ESRRG: variants seen among roughly 807,000 people sequenced by gnomAD.
ESRRG encodes the protein estrogen related receptor gamma.
A neutral mutation model predicts 44.0 loss-of-function variants in ESRRG; 13 were observed. The observed-to-expected ratio is 0.30, with a 90% CI of 0.19 to 0.47. The LOEUF is 0.47. ESRRG is among the 20% of genes least tolerant of loss of function. The pLI, the probability that ESRRG is intolerant of heterozygous loss-of-function variation, is 1.00. For synonymous variants in ESRRG, 215 were observed against 214.6 expected (o/e 1.00, Z -0.02); for missense variants, 395 against 580.6 (o/e 0.68, Z 3.29).
chr1:216,740,004 T>G (rs1449064488), intron 2 of ESRRG, among the ~76,000 whole-genome samples: 1 of 152,202 alleles, frequency 6.6e-6, no homozygotes, highest in African/African-American at 2.4e-5. Flanking sequence ...TGAGTCTGAC[T>G]GCTGACCTCG....
chr1:216,682,902 C>G (rs2077280895), intron 1 of ESRRG, among the ~76,000 whole-genome samples: 1 of 152,082 alleles, frequency 6.6e-6, no homozygotes, highest in Non-Finnish European at 1.5e-5. Flanking sequence ...ACTAATTGCA[C>G]TCTCGTAAAG....
At chr1:216,970,067 T>C (rs2071327334) in intron 1 of ESRRG, among the ~76,000 whole-genome samples, 2 of 152,086 alleles carry the variant, frequency 1.3e-5, no homozygotes, top group East Asian at 1.9e-4. Flanking sequence ...CTTCCTCCCA[T>C]CCCAGATTCT....
At chr1:217,078,839 C>G (rs1399331511) in intron 1 of ESRRG, among the ~76,000 whole-genome samples, 1 of 152,130 alleles carries the variant, frequency 6.6e-6, no homozygotes, top group South Asian at 2.1e-4. Flanking sequence ...CTGGTATCAA[C>G]CTCTGCATTC....
chr1:216,847,269 G>C (rs2095766579), intron 2 of ESRRG, among the ~76,000 whole-genome samples: 1 of 152,054 alleles, frequency 6.6e-6, no homozygotes, highest in Non-Finnish European at 1.5e-5. Flanking sequence ...GTAATGTTTA[G>C]TATTTACACT....
rs1158493341 is a variant in ESRRG at position 217,033,493 on chromosome 1, T to C, written c.-106+56014A>G. Among the ~76,000 whole-genome samples the C allele has an allele frequency of 2.0e-5, 3 of 152,226 alleles. No individual in the cohort carries two copies. In the East Asian group the frequency reaches 5.8e-4, roughly 29 times the overall value. Reference sequence around the variant, plus strand: ...ATTTTGTAAATGATTAATGTTTGGATGTCTTTTTTTTAAGACATTAATTTA... The same window carrying C: ...ATTTTGTAAATGATTAATGTTTGGACGTCTTTTTTTTAAGACATTAATTTA... On this transcript the variant is annotated intron_variant, in intron 1 of 7. Transcript: ENST00000359162.
chr1:216,989,744 G>T (rs1195855315), intron 1 of ESRRG, among the ~76,000 whole-genome samples: 1 of 152,058 alleles, frequency 6.6e-6, no homozygotes, highest in Non-Finnish European at 1.5e-5. Context: ...CCTTTTTCCA[G>T]GCAATATGAC....
intron 2 of ESRRG, chr1:216,864,091 G>A (rs2096101563): frequency 6.6e-6 from 1 of 152,118 alleles, no homozygotes; most frequent in Admixed American, 6.6e-5. Flanking sequence ...ACAGAACATG[G>A]GATGAAATTG....
At chr1:217,054,293 G>T (rs76854120) in intron 1 of ESRRG, among the ~76,000 whole-genome samples, 17 of 152,006 alleles carry the variant, frequency 1.1e-4, no homozygotes, top group African/African-American at 2.7e-4. Context: ...AGGTCATACT[G>T]GGGGGGAGCA....
At chr1:216,993,653 C>T (rs1376982707) in intron 1 of ESRRG, among the ~76,000 whole-genome samples, 5 of 152,072 alleles carry the variant, frequency 3.3e-5, no homozygotes, top group Non-Finnish European at 7.3e-5. Context: ...ATTCCCGTAC[C>T]GCAGTCTTGC....
chr1:216,556,734 C>A (rs751041884), intron 5 of ESRRG, among the ~76,000 whole-genome samples: 6 of 152,152 alleles, frequency 3.9e-5, no homozygotes, highest in Non-Finnish European at 8.8e-5. Context: ...AGAGGACTAT[C>A]ATAGCCCTCA....
At chr1:216,915,854 T>A (rs2061094332) in intron 2 of ESRRG, among the ~76,000 whole-genome samples, 1 of 152,206 alleles carries the variant, frequency 6.6e-6, no homozygotes, top group Non-Finnish European at 1.5e-5. Context: ...CTGTACTACC[T>A]TGGGCTTCCA....
chr1:217,133,639 CTCTCTCTCTTTCTTTCTTTCTT>C lies in ESRRG; in HGVS notation c.-230+4006_-230+4027del, dbSNP rs1231098187. Among the ~76,000 whole-genome samples the C allele has an allele frequency of 1.0e-2, 910 of 91,164 alleles. 13 individuals are homozygous for C. The highest frequency in any genetic ancestry group is 0.025 in the African/African-American group (789 of 31,228). 59.8% of individuals were successfully genotyped at this position (91,164 alleles called of 152,430 possible). A position where few individuals can be genotyped will look rare whatever the true frequency, so the allele number is the denominator to read the frequency against. ...TTTCTTTCTTTCTTTCTTTCTCTCT[CTCTCTCTCTTTCTTTCTTTCTT>C]TCTTTCTTTCTTTCTTTCTTTCTAA... On this transcript the variant is annotated intron_variant, in intron 1 of 8. Transcript: ENST00000366940.
intron 1 of ESRRG, among the ~76,000 whole-genome samples, chr1:216,961,175 G>A (rs542475601): frequency 6.6e-6 from 1 of 152,282 alleles, no homozygotes; most frequent in South Asian, 2.1e-4. Flanking sequence ...GGAACAAGAT[G>A]AACTATTCTG....
At chr1:216,733,894 C>T (rs2089353001) in intron 2 of ESRRG, among the ~76,000 whole-genome samples, 1 of 149,902 alleles carries the variant, frequency 6.7e-6, no homozygotes, top group Non-Finnish European at 1.5e-5. Flanking sequence ...GAGGTTGAGG[C>T]AGGAGAATTG....
intron 2 of ESRRG, among the ~76,000 whole-genome samples, chr1:216,904,674 C>A (rs1394933462): frequency 1.3e-5 from 2 of 152,294 alleles, no homozygotes; most frequent in East Asian, 3.9e-4. Flanking sequence ...TGGAAGACAG[C>A]TTTCCACCAA....
chr1:216,748,443 T>C (rs2091661050), intron 2 of ESRRG, among the ~76,000 whole-genome samples: 1 of 151,856 alleles, frequency 6.6e-6, no homozygotes, highest in Non-Finnish European at 1.5e-5. Context: ...TTTCTCTCCC[T>C]CTCTCTCTCT....
chr1:216,600,631 T>G (rs540910332), intron 3 of ESRRG, among the ~76,000 whole-genome samples: 1 of 152,268 alleles, frequency 6.6e-6, no homozygotes, highest in South Asian at 2.1e-4. Flanking sequence ...GTATTAAGCC[T>G]AGTACCCATT....
intron 6 of ESRRG, among the ~76,000 whole-genome samples, chr1:216,512,625 T>C (rs1272615275): frequency 6.6e-6 from 1 of 152,168 alleles, no homozygotes; most frequent in African/African-American, 2.4e-5. Flanking sequence ...AACAAGACAC[T>C]TGAAGGGCTT....
At chr1:216,785,795 T>C (rs1440966739) in intron 2 of ESRRG, among the ~76,000 whole-genome samples, 1 of 152,010 alleles carries the variant, frequency 6.6e-6, no homozygotes, top group African/African-American at 2.4e-5. Context: ...CTTCAAATGT[T>C]CAATGTTAAG....
Sources: gnomAD v4.1 joint callset for allele counts (sites outside exome capture counted in the v4.1 genomes callset) on GRCh38, gnomAD v4.1.1 for gene constraint, MANE v1.5 for transcripts, NCBI Gene and HGNC (gene_info 2026-07-23, HGNC 2026-07-21) for gene names.